The following ENOX1 variants were observed in gnomAD, a reference collection of about 807,000 sequenced individuals.
ENOX1 encodes the protein ecto-NOX disulfide-thiol exchanger 1.
ENOX1 carries 42 observed loss-of-function variants against 82.5 expected under a neutral mutation model. That is an observed-to-expected ratio of 0.51 (90% CI 0.40 to 0.66). The LOEUF is 0.66. Among genes scored for constraint, ENOX1 ranks in the 30% least tolerant of loss-of-function variants. The probability of loss-of-function intolerance (pLI) is 0.00; values close to 1 mark genes in which losing one functional copy is unlikely to be tolerated. For synonymous variants in ENOX1, 271 were observed against 282.2 expected (o/e 0.96, Z 0.40); for missense variants, 608 against 811.6 (o/e 0.75, Z 3.05).
Position 43,491,187 on chromosome 13 carries a change from CCA to C in ENOX1, c.-218-7037_-218-7036del, listed in dbSNP as rs533052944. 8.7e-4 allele frequency among the ~76,000 whole-genome samples: 132 copies of C among 152,102 alleles called. No homozygotes were observed. In the East Asian group the frequency reaches 0.023, roughly 26 times the overall value. ...GGGCAAGAGAGAAAAGGGAGAGGTC[CCA>C]GACTCTTTTAAACAACCAGATCTTG... On this transcript the variant is annotated intron_variant, in intron 2 of 16. Transcript: ENST00000690772.
rs2050901547 is a variant in ENOX1, at chr13:43,367,140, C to CT, written c.209-5689dup. Among the ~76,000 whole-genome samples the CT allele has an allele frequency of 2.0e-5, 3 of 152,222 alleles. No homozygotes were observed. In the South Asian group the frequency reaches 6.2e-4, roughly 32 times the overall value. ...CTTCACAGATGTGGAAATCTAGTGA[C>CT]TGAAACAACTTAGCAGAAAATACCA... On this transcript the variant is annotated intron_variant, in intron 5 of 16. Transcript: ENST00000690772.
intron 3 of ENOX1, among the ~76,000 whole-genome samples, chr13:43,443,721 G>A (rs1048587404): frequency 6.6e-6 from 1 of 152,190 alleles, no homozygotes; most frequent in Non-Finnish European, 1.5e-5. Context: ...AAGGCAACCT[G>A]CATGTAGGGA....
chr13:43,740,749 G>A (rs1385686865), intron 1 of ENOX1, among the ~76,000 whole-genome samples: 2 of 152,078 alleles, frequency 1.3e-5, no homozygotes, highest in Non-Finnish European at 2.9e-5. Flanking sequence ...ACAATATGTG[G>A]TCTTTTATGT....
intron 2 of ENOX1, among the ~76,000 whole-genome samples, chr13:43,642,127 T>C (rs543462721): frequency 6.6e-6 from 1 of 152,318 alleles, no homozygotes; most frequent in Admixed American, 6.5e-5. Context: ...AATTTACATA[T>C]GCTAATAATC....
At chr13:43,358,911 G>T (rs1330158809) in intron 7 of ENOX1, among the ~76,000 whole-genome samples, 1 of 152,128 alleles carries the variant, frequency 6.6e-6, no homozygotes, top group Admixed American at 6.5e-5. Context: ...TGAAATAAGG[G>T]GTTTTAAAGT....
rs147956585 is a variant in ENOX1, at chr13:43,531,033, G to T, written c.-218-46881C>A. Among the ~76,000 whole-genome samples, 1,135 of 151,526 alleles carry T rather than the reference G, an allele frequency of 7.5e-3. 9 individuals are homozygous for T. Among genetic ancestry groups the T allele is most frequent in the African/African-American group, 0.025 (1,030 of 41,356 alleles). On this transcript the variant is annotated intron_variant, in intron 2 of 16. Transcript: ENST00000690772. The stretch of plus-strand genomic sequence containing the variant: ...AAACAAATTGTCCTACTCTATAAAA[G>T]ACATTATGCAAAATATAATACAAAA...
chr13:43,383,353 C>G (rs1315649504), intron 5 of ENOX1, among the ~76,000 whole-genome samples: 1 of 152,124 alleles, frequency 6.6e-6, no homozygotes, highest in Non-Finnish European at 1.5e-5. Context: ...GATGGCTCAA[C>G]TTCACGGTAA....
At chr13:43,432,113 T>C (rs561469918) in intron 3 of ENOX1, among the ~76,000 whole-genome samples, 1 of 152,296 alleles carries the variant, frequency 6.6e-6, no homozygotes, top group South Asian at 2.1e-4. Flanking sequence ...GGCGCCTCCC[T>C]GTGTGGCTCC....
At chr13:43,493,832 C>T (rs907421191) in intron 2 of ENOX1, among the ~76,000 whole-genome samples, 7 of 152,118 alleles carry the variant, frequency 4.6e-5, no homozygotes, top group East Asian at 1.9e-4. Context: ...TCTATTCTCA[C>T]GCTGCTACAA....
chr13:43,758,234 CA>C (rs930024335), intron 1 of ENOX1, among the ~76,000 whole-genome samples: 3 of 146,398 alleles, frequency 2.0e-5, no homozygotes, highest in Admixed American at 6.9e-5. Flanking sequence ...AGACTCCTCT[CA>C]AAAAAAAACA....
intron 1 of ENOX1, among the ~76,000 whole-genome samples, chr13:43,729,548 T>C (rs2089209814): frequency 6.6e-6 from 1 of 152,232 alleles, no homozygotes; most frequent in African/African-American, 2.4e-5. Flanking sequence ...TAATGTTTTG[T>C]TGTGGTACTT....
chr13:43,556,892 C>A (rs1287436314), intron 2 of ENOX1, among the ~76,000 whole-genome samples: 1 of 152,192 alleles, frequency 6.6e-6, no homozygotes, highest in Non-Finnish European at 1.5e-5. Flanking sequence ...AAAGAAACCT[C>A]TATTGGCAGG....
At chr13:43,261,162 T>A (rs2044034410) in intron 14 of ENOX1, among the ~76,000 whole-genome samples, 1 of 152,202 alleles carries the variant, frequency 6.6e-6, no homozygotes, top group South Asian at 2.1e-4. Flanking sequence ...GACAATGTGT[T>A]GGTCAGATCC....
chr13:43,286,701 T>C (rs1348621960), intron 12 of ENOX1, among the ~76,000 whole-genome samples: 1 of 152,206 alleles, frequency 6.6e-6, no homozygotes, highest in Admixed American at 6.5e-5. Context: ...ATGAAGCCTC[T>C]CATAGTTAAA....
Position 43,384,135 on chromosome 13 carries a change from T to C in ENOX1, c.209-22683A>G, listed in dbSNP as rs117982988. On this transcript the variant is annotated intron_variant, in intron 5 of 16. Transcript: ENST00000690772. The stretch of plus-strand genomic sequence containing the variant: ...GAAGTAATAACAGCACTGATTTCAC[T>C]GGGTGAGGATTAGATAAGGACTGAG... 6.3e-4 allele frequency among the ~76,000 whole-genome samples: 96 copies of C among 152,348 alleles called. No homozygotes were observed. The East Asian group carries it at 0.017, about 27-fold the overall frequency.
At position 43,685,873 on chromosome 13, in the gene ENOX1, AACACAC is replaced by A. The variant is rs60259011; in HGVS notation, c.-284-18335_-284-18330del. On this transcript the variant is annotated intron_variant, in intron 1 of 16. Transcript: ENST00000690772. ...ACTGCCTTTAGAAATCCCAGAAGGA[AACACAC>A]ACACACACACACACACACACACACA... Among the ~76,000 whole-genome samples, 411 of 141,520 alleles carry A rather than the reference AACACAC, an allele frequency of 2.9e-3. 1 individual carries two copies. Among genetic ancestry groups the A allele is most frequent in the Admixed American group, 9.2e-3 (131 of 14,164 alleles). The allele number at this position is 141,520 out of a possible 152,430, so 92.8% of individuals were successfully genotyped here.
intron 11 of ENOX1, among the ~76,000 whole-genome samples, 193 bp downstream of exon 11, chr13:43,322,191 C>T (rs986665846): frequency 2.6e-5 from 4 of 152,180 alleles, no homozygotes; most frequent in African/African-American, 9.6e-5. Context: ...GGAGAAACAA[C>T]TGGAGCAATT....
chr13:43,724,036 T>G (rs551370204), intron 1 of ENOX1, among the ~76,000 whole-genome samples: 8 of 152,316 alleles, frequency 5.3e-5, no homozygotes, highest in African/African-American at 1.4e-4. Flanking sequence ...CCTATCTGCC[T>G]CAAACACAGT....
At chr13:43,360,516 G>A (rs961652657) in intron 6 of ENOX1, among the ~76,000 whole-genome samples, 27 of 152,208 alleles carry the variant, frequency 1.8e-4, no homozygotes, top group African/African-American at 6.3e-4. Context: ...TTACTTGGCT[G>A]TGAAACACCG....
Sources: gnomAD v4.1 joint callset for allele counts (sites outside exome capture counted in the v4.1 genomes callset) on GRCh38, gnomAD v4.1.1 for gene constraint, MANE v1.5 for transcripts, NCBI Gene and HGNC (gene_info 2026-07-23, HGNC 2026-07-21) for gene names.